Variants in MAGI2 observed in about 807,000 individuals in gnomAD.
MAGI2 encodes membrane-associated guanylate kinase, WW and PDZ domain-containing protein 2.
A neutral mutation model predicts 133.3 loss-of-function variants in MAGI2; 35 were observed. That is an observed-to-expected ratio of 0.26 (90% CI 0.20 to 0.35). The LOEUF is 0.35. MAGI2 is among the 10% of genes least tolerant of loss of function. The pLI is 1.00. For synonymous variants in MAGI2, 729 were observed against 710.6 expected (o/e 1.03, Z -0.41); for missense variants, 1,636 against 1,863.4 (o/e 0.88, Z 2.25).
chr7:78,466,555 C>A (rs7803276), intron 6 of MAGI2, among the ~76,000 whole-genome samples: 55,830 of 152,018 alleles, frequency 0.37, 11,450 homozygotes, highest in Non-Finnish European at 0.47. Context: ...TGGTGGCTGC[C>A]AAAAGAGGTG....
chr7:78,895,483 T>C (rs1238677288), intron 2 of MAGI2, among the ~76,000 whole-genome samples: 1 of 151,670 alleles, frequency 6.6e-6, no homozygotes, highest in Non-Finnish European at 1.5e-5. Flanking sequence ...AGGGCACATG[T>C]TAACCAGAGT....
intron 2 of MAGI2, among the ~76,000 whole-genome samples, chr7:78,699,590 C>T: frequency 6.6e-6 from 1 of 152,204 alleles, no homozygotes; most frequent in South Asian, 2.1e-4. Flanking sequence ...TACTTCTAGG[C>T]CCAAGCATTC....
chr7:78,705,380 A>T (rs1329966993), intron 2 of MAGI2, among the ~76,000 whole-genome samples: 1 of 152,144 alleles, frequency 6.6e-6, no homozygotes. Context: ...TTCCCCAGCC[A>T]TGTGGAACTG....
intron 12 of MAGI2, among the ~76,000 whole-genome samples, chr7:78,192,687 C>T (rs1220880290): frequency 6.6e-6 from 1 of 152,026 alleles, no homozygotes. Flanking sequence ...ATTTACACTC[C>T]ATTTAGTGTT....
chr7:79,392,359 T>G (rs1459340394), intron 1 of MAGI2, among the ~76,000 whole-genome samples: 1 of 152,158 alleles, frequency 6.6e-6, no homozygotes, highest in Non-Finnish European at 1.5e-5. Context: ...TTTATATTCC[T>G]TTGGGTATAT....
intron 9 of MAGI2, among the ~76,000 whole-genome samples, chr7:78,273,973 C>G (rs1300696677): frequency 3.3e-5 from 5 of 152,064 alleles, no homozygotes; most frequent in Non-Finnish European, 7.4e-5. Context: ...AGTTTTCTTC[C>G]CTTGCTGGCG....
intron 1 of MAGI2, among the ~76,000 whole-genome samples, chr7:79,204,828 A>G (rs1295598503): frequency 6.6e-6 from 1 of 152,044 alleles, no homozygotes; most frequent in Non-Finnish European, 1.5e-5. Context: ...ACAATGAATG[A>G]AATGAAAACT....
At chr7:78,775,963 T>A (rs1290190364) in intron 2 of MAGI2, among the ~76,000 whole-genome samples, 1 of 152,218 alleles carries the variant, frequency 6.6e-6, no homozygotes, top group African/African-American at 2.4e-5. Context: ...TGCAAAAGGC[T>A]CAGTCTTAGG....
chr7:78,929,295 GA>G (rs1431244983), intron 2 of MAGI2, among the ~76,000 whole-genome samples: 5 of 152,024 alleles, frequency 3.3e-5, no homozygotes, highest in African/African-American at 1.2e-4. Context: ...GGTGATAAGT[GA>G]ATTACTTTAA....
intron 2 of MAGI2, among the ~76,000 whole-genome samples, chr7:78,984,538 G>C (rs1805069550): frequency 6.6e-6 from 1 of 151,814 alleles, no homozygotes; most frequent in East Asian, 1.9e-4. Context: ...GTATGGTCCT[G>C]CTGGAGGGGT....
chr7:78,153,839 G>A (rs977398684), intron 16 of MAGI2, among the ~76,000 whole-genome samples: 2 of 152,170 alleles, frequency 1.3e-5, no homozygotes, highest in African/African-American at 4.8e-5. Context: ...AATGACAAAA[G>A]GACACAGGAA....
chr7:79,410,484 TTC>T (rs1248065990), intron 1 of MAGI2: 1 of 152,120 alleles, frequency 6.6e-6, no homozygotes, highest in Non-Finnish European at 1.5e-5. Flanking sequence ...TGCCAAAGAA[TTC>T]TCTCTCTTGA....
intron 2 of MAGI2, among the ~76,000 whole-genome samples, chr7:78,725,219 A>C (rs910543629): frequency 1.3e-5 from 2 of 152,198 alleles, no homozygotes; most frequent in African/African-American, 4.8e-5. Context: ...TTAGGGCCCA[A>C]GTTACTAAGT....
chr7:79,171,772 T>TATATATATATA (rs1215314753), intron 1 of MAGI2, among the ~76,000 whole-genome samples: 1 of 21,730 alleles, frequency 4.6e-5, no homozygotes, highest in African/African-American at 1.3e-4. Context: ...ATATATATAT[T>TATATATATATA]TTTTTTTTTT....
chr7:78,177,938 TA>T, intron 14 of MAGI2, 72 bp downstream of exon 14: 1 of 1,086,306 alleles, frequency 9.2e-7, no homozygotes, highest in Non-Finnish European at 1.4e-6. Flanking sequence ...GATATCACAC[TA>T]AACACTATTT....
intron 9 of MAGI2, among the ~76,000 whole-genome samples, chr7:78,328,532 C>CCCCT (rs1554346587): frequency 1.5e-5 from 2 of 133,706 alleles, no homozygotes; most frequent in Non-Finnish European, 1.6e-5. Context: ...CACACACACC[C>CCCCT]CTCTCTCTCT....
chr7:78,370,112 T>C (rs1041849457), intron 6 of MAGI2, among the ~76,000 whole-genome samples: 2 of 152,106 alleles, frequency 1.3e-5, no homozygotes, highest in Admixed American at 1.3e-4. Context: ...ATAATATGTA[T>C]CACTGTAGAC....
intron 9 of MAGI2, among the ~76,000 whole-genome samples, chr7:78,257,920 CA>C (rs965597631): frequency 6.6e-6 from 1 of 152,180 alleles, no homozygotes; most frequent in Non-Finnish European, 1.5e-5. Context: ...AGCAAGCTTG[CA>C]AACGTTAAAA....
In MAGI2 at chr7:79,176,971, C is replaced by T. The variant is rs568672701; in HGVS notation, c.302-169765G>A. The T allele has an allele frequency of 2.6e-5, 4 of 152,060 alleles. 1 individual carries two copies. The highest frequency in any genetic ancestry group is 9.7e-5 in the African/African-American group (4 of 41,418). 9.4% of individuals were successfully genotyped at this position (152,060 alleles called of 1,614,324 possible). A position where few individuals can be genotyped will look rare whatever the true frequency, so the allele number is the denominator to read the frequency against. ...AGCAAACTGAACCTTGTTTTTGACA[C>T]TTTGCAGTGCTTCAAATGATGCGGA... On this transcript the variant is annotated intron_variant, in intron 1 of 21. Coordinates refer to ENST00000354212, the MANE Select transcript of MAGI2 (RefSeq NM_012301.4).
Sources: gnomAD v4.1 joint callset for allele counts (sites outside exome capture counted in the v4.1 genomes callset) on GRCh38, gnomAD v4.1.1 for gene constraint, MANE v1.5 for transcripts, NCBI Gene and HGNC (gene_info 2026-07-23, HGNC 2026-07-21) for gene names.